Variants in PTPA observed in about 807,000 individuals in gnomAD.
The protein encoded by PTPA is serine/threonine-protein phosphatase 2A activator.
A neutral mutation model predicts 43.6 loss-of-function variants in PTPA; 13 were observed. The ratio of observed to expected loss-of-function variants is 0.30; its 90% CI spans 0.19 to 0.47. The LOEUF is 0.47. Among genes scored for constraint, PTPA ranks in the 20% least tolerant of loss-of-function variants. The pLI is 0.99. For synonymous variants in PTPA, 172 were observed against 158.2 expected, an observed-to-expected ratio of 1.09 and a Z score of -0.66; for missense variants, 329 against 411.9, an observed-to-expected ratio of 0.80 and a Z score of 1.74.
At position 129,116,727 on chromosome 9, in the gene PTPA, C is replaced by T. The variant is rs137886849; in HGVS notation, c.32-3786C>T. On this transcript the variant is annotated intron_variant, in intron 1 of 9. Coordinates refer to ENST00000393370, the MANE Select transcript of PTPA (RefSeq NM_178000.3). ...GTTATTTTTAGTAGAGACAGGGTTT[C>T]GCCATGTTGACCAGGCTGGTCTTGA... 9.6e-3 allele frequency among the ~76,000 whole-genome samples: 1,460 copies of T among 151,768 alleles called. 47 individuals are homozygous for T. The East Asian group carries it at 0.11, about 12-fold the overall frequency.
chr9:129,141,400 A>C (rs895008149), intron 8 of PTPA, among the ~76,000 whole-genome samples: 1 of 152,168 alleles, frequency 6.6e-6, no homozygotes, highest in African/African-American at 2.4e-5. Context: ...TTTCTTTGCC[A>C]GATTCAGCCT....
intron 8 of PTPA, chr9:129,139,590 C>T (rs1850620683): frequency 6.6e-6 from 1 of 152,208 alleles, no homozygotes; most frequent in African/African-American, 2.4e-5. Context: ...TGTTGGTTCT[C>T]CAGAGCGCCC....
At chr9:129,118,632 C>G (rs781643955) in intron 1 of PTPA, among the ~76,000 whole-genome samples, 11 of 152,138 alleles carry the variant, frequency 7.2e-5, no homozygotes, top group Non-Finnish European at 1.2e-4. Flanking sequence ...ACTTTGGCCT[C>G]CCAAAGTGCT....
intron 8 of PTPA, 102 bp from the exon 9 acceptor site, chr9:129,142,343 T>A: frequency 9.4e-7 from 1 of 1,067,930 alleles, no homozygotes; most frequent in Non-Finnish European, 1.4e-6. Context: ...TGCGTTTGTG[T>A]GTGTGTGTGT....
chr9:129,142,324 G>T (rs562070621), intron 8 of PTPA, 121 bp from the exon 9 acceptor site: 3 of 854,280 alleles, frequency 3.5e-6, no homozygotes, highest in Admixed American at 3.1e-5. Context: ...CGCGTGCATT[G>T]TGTGCGTGTG....
intron 9 of PTPA, among the ~76,000 whole-genome samples, chr9:129,144,819 G>GT (rs1388878615): frequency 1.3e-5 from 2 of 151,332 alleles, no homozygotes; most frequent in African/African-American, 4.9e-5. Context: ...GATCACTTGA[G>GT]GCCAGGAGTT....
intron 3 of PTPA, chr9:129,128,044 C>T (rs140799844): frequency 1.7e-4 from 233 of 1,342,208 alleles, no homozygotes; most frequent in Middle Eastern, 8.4e-4. Context: ...CATTACCCCG[C>T]GCCGGGCACT....
At chr9:129,143,962 C>T (rs530013150) in intron 9 of PTPA, among the ~76,000 whole-genome samples, 1 of 151,794 alleles carries the variant, frequency 6.6e-6, no homozygotes, top group African/African-American at 2.4e-5. Context: ...GCCCACCAGC[C>T]ACCTCCCAAC....
chr9:129,131,718 T>C, intron 5 of PTPA, 79 bp downstream of exon 5: 1 of 1,356,234 alleles, frequency 7.4e-7, no homozygotes, highest in Non-Finnish European at 1.0e-6. Context: ...CTCTGGGCCC[T>C]CTGAGCAAGT....
chr9:129,147,537 C>T lies in PTPA; in HGVS notation c.*73C>T. The stretch of plus-strand genomic sequence containing the variant: ...CTTCCCCACCCCAGCAGTGGCCCCT[C>T]CCCATCCCCTCCCTCTGTTCGTCCC... On this transcript the variant is annotated 3_prime_UTR_variant, in exon 10 of 10. Coordinates refer to ENST00000393370, the MANE Select transcript of PTPA (RefSeq NM_178000.3). 4 of 1,445,942 alleles carry T rather than the reference C, an allele frequency of 2.8e-6. No homozygotes were observed. The highest frequency in any genetic ancestry group is 3.8e-6 in the Non-Finnish European group (4 of 1,039,858). 89.6% of individuals were successfully genotyped at this position (1,445,942 alleles called of 1,614,324 possible).
At chr9:129,120,761 T>G in intron 2 of PTPA, 151 bp downstream of exon 2, 1 of 650,806 alleles carries the variant, frequency 1.5e-6, no homozygotes, top group Non-Finnish European at 2.7e-6. Flanking sequence ...TGGCTGTCTC[T>G]TCCCTTCAGA....
intron 3 of PTPA, among the ~76,000 whole-genome samples, chr9:129,128,637 A>G (rs956944468): frequency 1.3e-5 from 2 of 151,974 alleles, no homozygotes; most frequent in South Asian, 4.2e-4. Flanking sequence ...ATGAGTAGGT[A>G]TTGCATACTG....
At chr9:129,137,427 C>T (rs1308616040) in intron 7 of PTPA, among the ~76,000 whole-genome samples, 165 bp from the exon 8 acceptor site, 1 of 152,242 alleles carries the variant, frequency 6.6e-6, no homozygotes, top group East Asian at 1.9e-4. Context: ...GAGCTTAGCA[C>T]ATTAGAATAC....
intron 9 of PTPA, among the ~76,000 whole-genome samples, chr9:129,145,767 T>TG (rs1851257018): frequency 6.6e-6 from 1 of 152,140 alleles, no homozygotes; most frequent in Non-Finnish European, 1.5e-5. Context: ...CATGGCTGTG[T>TG]GGGTGCTGCC....
chr9:129,111,698 C>T, intron 1 of PTPA, 67 bp downstream of exon 1: 1 of 1,250,084 alleles, frequency 8.0e-7, no homozygotes, highest in East Asian at 3.2e-5. Flanking sequence ...GTGTGGGAGG[C>T]TCAGGAGGGC....
At chr9:129,119,299 A>G (rs967850708) in intron 1 of PTPA, among the ~76,000 whole-genome samples, 1 of 149,808 alleles carries the variant, frequency 6.7e-6, no homozygotes, top group Admixed American at 6.7e-5. Context: ...ACCTAGCCAG[A>G]TGTTTTTAAT....
intron 3 of PTPA, among the ~76,000 whole-genome samples, chr9:129,127,015 C>T (rs17481720): frequency 0.023 from 3,459 of 152,220 alleles, 126 homozygotes; most frequent in Admixed American, 0.1. Context: ...TGTAAGCCCC[C>T]GTTTCTGCAT....
At chr9:129,135,050 G>A (rs1265165115) in intron 6 of PTPA, among the ~76,000 whole-genome samples, 156 bp downstream of exon 6, 1 of 152,184 alleles carries the variant, frequency 6.6e-6, no homozygotes, top group Admixed American at 6.5e-5. Flanking sequence ...GAGTGTCCAA[G>A]CCTTTTTTCC....
Position 129,120,497 on chromosome 9 carries a change from A to ATT in PTPA, c.32-8_32-7dup. On this transcript the variant is annotated splice_polypyrimidine_tract_variant and intron_variant, in intron 1 of 9. Coordinates refer to ENST00000393370, the MANE Select transcript of PTPA (RefSeq NM_178000.3). ...ATTCTATTTATCTGTTTGTTTTTTC[A>ATT]TTTTTTTTTGTCAAGATTCTTCAGA... 4.0e-6 allele frequency: 6 copies of ATT among 1,504,532 alleles called. No individual in the cohort carries two copies. The highest frequency in any genetic ancestry group is 4.5e-6 in the Non-Finnish European group (5 of 1,099,036). 93.2% of individuals were successfully genotyped at this position (1,504,532 alleles called of 1,614,324 possible). A position where few individuals can be genotyped will look rare whatever the true frequency, so the allele number is the denominator to read the frequency against.
Sources: gnomAD v4.1 joint callset for allele counts (sites outside exome capture counted in the v4.1 genomes callset) on GRCh38, gnomAD v4.1.1 for gene constraint, MANE v1.5 for transcripts, NCBI Gene and HGNC (gene_info 2026-07-23, HGNC 2026-07-21) for gene names.